COL23A1: variants seen among roughly 807,000 people sequenced by gnomAD.
The protein encoded by COL23A1 is collagen alpha-1(XXIII) chain.
Under a neutral mutation model 99.3 loss-of-function variants are expected in COL23A1, and 97 were observed. The ratio of observed to expected loss-of-function variants is 0.98; its 90% confidence interval spans 0.83 to 1.16. COL23A1 has a LOEUF of 1.16. Among genes scored for constraint, COL23A1 ranks in the 50% most tolerant of loss-of-function variants. COL23A1 has a pLI of 0.00. For synonymous variants in COL23A1, 320 were observed against 308.2 expected, an observed-to-expected ratio of 1.04 and a Z score of -0.40; for missense variants, 762 against 757.4, an observed-to-expected ratio of 1.01 and a Z score of -0.07.
chr5:178,430,279 A>T (rs1349793069), intron 2 of COL23A1, among the ~76,000 whole-genome samples: 3 of 152,142 alleles, frequency 2.0e-5, no homozygotes, highest in Non-Finnish European at 4.4e-5. Flanking sequence ...CACACAGGTG[A>T]CTTCACTGGG....
At chr5:178,431,531 C>T (rs1410849056) in intron 2 of COL23A1, among the ~76,000 whole-genome samples, 2 of 152,314 alleles carry the variant, frequency 1.3e-5, no homozygotes, top group East Asian at 3.9e-4. Flanking sequence ...CAGACGTAAT[C>T]ACAAATGTCA....
intron 17 of COL23A1, 31 bp from the exon 18 acceptor site, chr5:178,250,136 T>G (rs757496994): frequency 6.2e-7 from 1 of 1,613,680 alleles, no homozygotes; most frequent in African/African-American, 1.3e-5. Context: ...AGAGGGGTTA[T>G]GCCTTCCTTT....
chr5:178,270,392 T>G, intron 5 of COL23A1, 29 bp from the exon 6 acceptor site: 1 of 1,613,256 alleles, frequency 6.2e-7, no homozygotes, highest in Non-Finnish European at 8.5e-7. Flanking sequence ...AGAACACAGG[T>G]TACACACGGG....
intron 1 of COL23A1, among the ~76,000 whole-genome samples, chr5:178,569,110 A>G (rs1053764291): frequency 6.6e-6 from 1 of 152,198 alleles, no homozygotes; most frequent in Admixed American, 6.5e-5. Flanking sequence ...GAAATGGTAT[A>G]TCATTGTGGG....
chr5:178,458,745 T>C (rs564725795), intron 2 of COL23A1, among the ~76,000 whole-genome samples: 1 of 152,142 alleles, frequency 6.6e-6, no homozygotes, highest in South Asian at 2.1e-4. Context: ...CAAATCCTTA[T>C]AGAATGGATC....
Position 178,288,318 on chromosome 5 carries a change from A to G in COL23A1, c.441+6T>C, listed in dbSNP as rs758414220. ...GAAGAGAGCAAAAAAATAAATGACAAATTACCGGGTAGCCATCTCGTCCTG... is the reference window on the plus strand; with the variant it reads ...GAAGAGAGCAAAAAAATAAATGACAGATTACCGGGTAGCCATCTCGTCCTG... On this transcript the variant is annotated splice_donor_region_variant and intron_variant, in intron 5 of 28. Coordinates refer to ENST00000390654, the MANE Select transcript of COL23A1 (RefSeq NM_173465.4). 1.2e-6 allele frequency: 2 copies of G among 1,608,200 alleles called. No homozygotes were observed.
chr5:178,267,464 C>T (rs1328969641), intron 7 of COL23A1, 131 bp from the exon 8 acceptor site: 35 of 889,264 alleles, frequency 3.9e-5, no homozygotes, highest in Non-Finnish European at 6.0e-5. Flanking sequence ...CAGGCAGGCC[C>T]TATTTTTATT....
chr5:178,420,504 C>G (rs1444876085), intron 2 of COL23A1, among the ~76,000 whole-genome samples: 1 of 75,690 alleles, frequency 1.3e-5, no homozygotes, highest in African/African-American at 5.4e-5. Context: ...CCCCTCCCCC[C>G]TTTTTCCTCC....
chr5:178,553,663 C>T (rs985630706), intron 2 of COL23A1, among the ~76,000 whole-genome samples: 1 of 152,216 alleles, frequency 6.6e-6, no homozygotes, highest in Non-Finnish European at 1.5e-5. Context: ...GGGCAGAAGC[C>T]CAGCTCTGCT....
chr5:178,480,466 C>T (rs1213576009), intron 2 of COL23A1, among the ~76,000 whole-genome samples: 1 of 152,224 alleles, frequency 6.6e-6, no homozygotes, highest in Admixed American at 6.5e-5. Context: ...GCACCTCCCA[C>T]CCGCAAGCCC....
Position 178,366,580 on chromosome 5 carries a change from T to G in COL23A1, c.362-59661A>C, listed in dbSNP as rs1561907576. On this transcript the variant is annotated intron_variant, in intron 2 of 28. Transcript: ENST00000390654. This position sits in a 1 kb window ranked among gnomAD's most constrained non-coding sequence, Gnocchi z 4.4. Reference sequence around the variant, plus strand: ...TTTCAGATCACCCGCCCTGCGAAAATGTGTCGGTGATCACTGTGACTAGAA... The same window carrying G: ...TTTCAGATCACCCGCCCTGCGAAAAGGTGTCGGTGATCACTGTGACTAGAA... Among the ~76,000 whole-genome samples the G allele has an allele frequency of 6.6e-6, 1 of 152,144 alleles. No homozygotes were observed. Among genetic ancestry groups the G allele is most frequent in the African/African-American group, 2.4e-5 (1 of 41,430 alleles).
chr5:178,472,269 C>T (rs13159176), intron 2 of COL23A1, among the ~76,000 whole-genome samples: 77,632 of 152,114 alleles, frequency 0.51, 20,995 homozygotes, highest in Admixed American at 0.6. Context: ...CATCCTGACT[C>T]TCAGTCGAAT....
intron 2 of COL23A1, among the ~76,000 whole-genome samples, chr5:178,458,134 C>A (rs530131969): frequency 3.6e-4 from 1 of 2,800 alleles, no homozygotes; most frequent in Non-Finnish European, 5.9e-4. Flanking sequence ...AGATGAGAAC[C>A]CTTGGGTGTC....
intron 1 of COL23A1, among the ~76,000 whole-genome samples, chr5:178,574,729 G>GT (rs1350618101): frequency 2.0e-5 from 3 of 152,192 alleles, no homozygotes; most frequent in Admixed American, 6.5e-5. Flanking sequence ...GTCAAGAAAC[G>GT]TAAGACAATC....
intron 2 of COL23A1, among the ~76,000 whole-genome samples, chr5:178,522,892 C>T (rs114824767): frequency 4.6e-5 from 7 of 152,080 alleles, no homozygotes; most frequent in African/African-American, 1.2e-4. Context: ...GGACCCCAAG[C>T]GTGGCTTTAT....
chr5:178,412,164 TG>T (rs1350544960), intron 2 of COL23A1, among the ~76,000 whole-genome samples: 1 of 152,152 alleles, frequency 6.6e-6, no homozygotes, highest in Non-Finnish European at 1.5e-5. Flanking sequence ...ATTCACACAA[TG>T]GAATACTATT....
At chr5:178,414,947 G>GT (rs1441962985) in intron 2 of COL23A1, among the ~76,000 whole-genome samples, 1 of 152,104 alleles carries the variant, frequency 6.6e-6, no homozygotes, top group Non-Finnish European at 1.5e-5. Flanking sequence ...GTGGGAGGAG[G>GT]TAACAAGGGG....
In COL23A1 at chr5:178,267,349, A is replaced by C; in HGVS notation, c.496-16T>G. 1.2e-6 allele frequency: 2 copies of C among 1,613,454 alleles called. No homozygotes were observed. The highest frequency in any genetic ancestry group is 1.7e-6 in the Non-Finnish European group (2 of 1,179,728). ...CTGGTGCACCCTGGGAACAAAAGAC[A>C]GGGAGAGGCATCACCACTGCTTTCA... On this transcript the variant is annotated splice_polypyrimidine_tract_variant and intron_variant, in intron 7 of 28. Transcript: ENST00000390654.
At chr5:178,397,886 C>A (rs1764236883) in intron 2 of COL23A1, among the ~76,000 whole-genome samples, 1 of 152,052 alleles carries the variant, frequency 6.6e-6, no homozygotes, top group Admixed American at 6.5e-5. Context: ...ACTCAGGAGG[C>A]TGAGGCAGGA....
Sources: allele counts gnomAD v4.1 joint callset (sites outside exome capture counted in the v4.1 genomes callset), GRCh38; gene constraint gnomAD v4.1.1; non-coding constraint Gnocchi (gnomAD v3.1); transcripts MANE v1.5; gene names NCBI Gene and HGNC (gene_info 2026-07-23, HGNC 2026-07-21).